PLEKHA7: variants seen among roughly 807,000 people sequenced by gnomAD.
PLEKHA7 encodes the protein pleckstrin homology domain containing A7.
In PLEKHA7, 104 loss-of-function variants were observed where a neutral mutation model predicts 170.0. That is an observed-to-expected ratio of 0.61 (90% CI 0.52 to 0.72). The LOEUF (loss-of-function observed/expected upper bound fraction) is 0.72. Ranked by LOEUF, PLEKHA7 falls within the 30% of genes least tolerant of loss-of-function variation. PLEKHA7 has a pLI of 0.00. For missense variants in PLEKHA7, 1,615 were observed against 1,671.7 expected, an observed-to-expected ratio of 0.97 and a Z score of 0.59; for synonymous variants, 648 against 660.8, an observed-to-expected ratio of 0.98 and a Z score of 0.30.
intron 12 of PLEKHA7, among the ~76,000 whole-genome samples, chr11:16,814,426 G>A (rs1849595193): frequency 6.6e-6 from 1 of 152,202 alleles, no homozygotes; most frequent in Non-Finnish European, 1.5e-5. Context: ...ACAGCCTGGA[G>A]GACCAGCCTC....
intron 3 of PLEKHA7, among the ~76,000 whole-genome samples, chr11:17,012,559 C>G (rs1253512289): frequency 6.6e-6 from 1 of 152,204 alleles, no homozygotes; most frequent in Non-Finnish European, 1.5e-5. Flanking sequence ...CTTATTTTAA[C>G]TTTCTGCACA....
chr11:16,900,912 C>A (rs1035851728), intron 3 of PLEKHA7, among the ~76,000 whole-genome samples: 1 of 151,104 alleles, frequency 6.6e-6, no homozygotes, highest in Non-Finnish European at 1.5e-5. Flanking sequence ...GTGGCGCGAT[C>A]TCAGCTCATT....
chr11:16,829,857 CTTTT>C (rs1850966579), intron 9 of PLEKHA7, among the ~76,000 whole-genome samples: 1 of 134,740 alleles, frequency 7.4e-6, no homozygotes, highest in East Asian at 1.9e-4. Context: ...TTTCTTTTTT[CTTTT>C]TTCTTTTTTT....
intron 7 of PLEKHA7, among the ~76,000 whole-genome samples, chr11:16,851,866 A>C (rs1408979597): frequency 6.6e-6 from 1 of 152,252 alleles, no homozygotes; most frequent in African/African-American, 2.4e-5. Flanking sequence ...CACCAGTAGC[A>C]GTCTAGCCTT....
chr11:16,795,638 A>G (rs1476400646), intron 17 of PLEKHA7, among the ~76,000 whole-genome samples: 1 of 151,608 alleles, frequency 6.6e-6, no homozygotes, highest in East Asian at 2.0e-4. Flanking sequence ...TAAATACAAA[A>G]ATTAGCCAGG....
At chr11:16,827,601 G>T (rs1850758100) in intron 9 of PLEKHA7, among the ~76,000 whole-genome samples, 1 of 152,120 alleles carries the variant, frequency 6.6e-6, no homozygotes. Flanking sequence ...CTCTTTCATG[G>T]TCCATCTCCC....
At chr11:16,926,584 C>T (rs1026314755) in intron 3 of PLEKHA7, among the ~76,000 whole-genome samples, 1 of 152,160 alleles carries the variant, frequency 6.6e-6, no homozygotes, top group African/African-American at 2.4e-5. Context: ...TAAGAATGCA[C>T]CAGGGAGCCT....
At chr11:17,013,950 C>G in intron 3 of PLEKHA7, 39 bp downstream of exon 3, 1 of 1,510,388 alleles carries the variant, frequency 6.6e-7, no homozygotes, top group Non-Finnish European at 8.8e-7. Flanking sequence ...ACCCCCCCCC[C>G]GCGGCACAGG....
chr11:16,805,148 A>G (rs186313970), intron 13 of PLEKHA7, among the ~76,000 whole-genome samples: 61 of 152,304 alleles, frequency 4.0e-4, no homozygotes, highest in Non-Finnish European at 8.1e-4. Flanking sequence ...AAATGGAGAT[A>G]CACTCTGGGG....
rs764110598 is a variant in PLEKHA7, at chr11:17,014,190, C to G, written c.98G>C (p.Arg33Pro). ...GCGCGGATGCAGCCAGGTCGTGCAG[C>G]GGAGCTGGTCACTGCGGGCAGAGAG... ...GRVFFINDQL[R>P]CTTWLHPRTG... The change falls in exon 2 of 27, where the codon CGC (arginine) becomes CCC (proline). Residue 33 changes from arginine (R) to proline (P), a missense_variant. Transcript: ENST00000531066. The G allele has an allele frequency of 3.1e-6, 5 of 1,591,374 alleles. No individual in the cohort carries two copies. The highest frequency in any genetic ancestry group is 4.3e-6 in the Non-Finnish European group (5 of 1,171,236).
intron 3 of PLEKHA7, among the ~76,000 whole-genome samples, chr11:16,935,072 C>G (rs4757448): frequency 0.25 from 38,263 of 152,160 alleles, 5,812 homozygotes; most frequent in Non-Finnish European, 0.36. Context: ...GTTACTTCTT[C>G]CAAATAAGAC....
chr11:16,887,965 C>T (rs948738806), intron 3 of PLEKHA7, among the ~76,000 whole-genome samples: 2 of 151,882 alleles, frequency 1.3e-5, no homozygotes, highest in African/African-American at 2.4e-5. Context: ...TCTGCCCGGC[C>T]GCCCATCGTC....
chr11:16,908,928 G>A (rs771341646), intron 3 of PLEKHA7, among the ~76,000 whole-genome samples: 8 of 152,138 alleles, frequency 5.3e-5, no homozygotes, highest in East Asian at 1.9e-4. Flanking sequence ...TGGGGTTTAC[G>A]GTAATCACCT....
At chr11:16,955,868 G>A (rs1471524360) in intron 3 of PLEKHA7, among the ~76,000 whole-genome samples, 1 of 152,190 alleles carries the variant, frequency 6.6e-6, no homozygotes, top group Non-Finnish European at 1.5e-5. Context: ...TATCTAGAAA[G>A]AGGGGGATTC....
intron 3 of PLEKHA7, among the ~76,000 whole-genome samples, chr11:16,923,877 G>A (rs749013654): frequency 5.3e-5 from 8 of 151,990 alleles, no homozygotes; most frequent in Non-Finnish European, 1.0e-4. Flanking sequence ...CCACCCTTCC[G>A]TTAACAGGAC....
chr11:16,972,261 A>G (rs1480646071), intron 3 of PLEKHA7, among the ~76,000 whole-genome samples: 1 of 151,784 alleles, frequency 6.6e-6, no homozygotes. Flanking sequence ...AGCTGGGACT[A>G]CAAGCGCACA....
intron 3 of PLEKHA7, among the ~76,000 whole-genome samples, chr11:16,989,538 T>C (rs942719233): frequency 6.6e-6 from 1 of 152,224 alleles, no homozygotes; most frequent in African/African-American, 2.4e-5. Flanking sequence ...CCTAAAGCTT[T>C]GTGACCGTAA....
At chr11:16,842,829 A>G in intron 8 of PLEKHA7, among the ~76,000 whole-genome samples, 1 of 152,240 alleles carries the variant, frequency 6.6e-6, no homozygotes, top group East Asian at 1.9e-4. Flanking sequence ...TACTTCCACA[A>G]CTTTAATCTC....
intron 17 of PLEKHA7, among the ~76,000 whole-genome samples, chr11:16,797,984 T>G (rs879739129): frequency 1.1e-4 from 17 of 152,108 alleles, no homozygotes; most frequent in Non-Finnish European, 1.6e-4. Flanking sequence ...AGGGGAATTT[T>G]GGGGGAAATG....
Sources: allele counts gnomAD v4.1 joint callset (sites outside exome capture counted in the v4.1 genomes callset), GRCh38; gene constraint gnomAD v4.1.1; transcripts MANE v1.5; gene names NCBI Gene and HGNC (gene_info 2026-07-23, HGNC 2026-07-21).